The following ALPK2 variants were observed in gnomAD, a reference collection of about 807,000 sequenced individuals.
The protein encoded by ALPK2 is alpha kinase 2, also known as alpha-protein kinase 2.
ALPK2 carries 127 observed loss-of-function variants against 163.1 expected under a neutral mutation model. The observed-to-expected ratio is 0.78, with a 90% confidence interval of 0.67 to 0.90. The LOEUF (loss-of-function observed/expected upper bound fraction) is 0.90. Ranked by LOEUF, ALPK2 falls within the 40% of genes least tolerant of loss-of-function variation. The pLI is 0.00. For missense variants in ALPK2, 2,360 were observed against 2,589.6 expected (o/e 0.91, Z 1.92); for synonymous variants, 953 against 959.1 (o/e 0.99, Z 0.12).
At chr18:58,499,432 A>G (rs1398389349) in intron 11 of ALPK2, among the ~76,000 whole-genome samples, 1 of 152,152 alleles carries the variant, frequency 6.6e-6, no homozygotes, top group African/African-American at 2.4e-5. Context: ...CCCCAGTCTC[A>G]GCCTGCATCC....
At chr18:58,575,560 G>C (rs553185678) in intron 4 of ALPK2, among the ~76,000 whole-genome samples, 1 of 152,342 alleles carries the variant, frequency 6.6e-6, no homozygotes, top group East Asian at 1.9e-4. Context: ...CAGCACTTCT[G>C]ATTTAAGGGT....
chr18:58,547,333 T>C (rs2051722715), intron 4 of ALPK2, among the ~76,000 whole-genome samples: 1 of 152,192 alleles, frequency 6.6e-6, no homozygotes, highest in African/African-American at 2.4e-5. Context: ...GTAGACCGAT[T>C]GAAGATTGAG....
chr18:58,567,833 C>T (rs1042774026), intron 4 of ALPK2, among the ~76,000 whole-genome samples: 3 of 152,192 alleles, frequency 2.0e-5, no homozygotes, highest in Non-Finnish European at 4.4e-5. Context: ...GTGGTCCTCT[C>T]TCCTAAGAAG....
chr18:58,556,238 G>A (rs2051790580), intron 4 of ALPK2, among the ~76,000 whole-genome samples: 1 of 152,078 alleles, frequency 6.6e-6, no homozygotes, highest in Non-Finnish European at 1.5e-5. Context: ...TAAAAATTGT[G>A]TCTCTCCACC....
chr18:58,593,563 CAAA>C (rs34460316), intron 3 of ALPK2, among the ~76,000 whole-genome samples: 20 of 50,638 alleles, frequency 3.9e-4, no homozygotes, highest in Admixed American at 5.4e-4. Flanking sequence ...GACTCTGTCT[CAAA>C]AAAAAAAAAA....
At chr18:58,523,564 T>C (rs371088710) in intron 8 of ALPK2, among the ~76,000 whole-genome samples, 7,797 of 152,302 alleles carry the variant, frequency 0.051, 245 homozygotes, top group African/African-American at 0.09. Context: ...CTCCACATCC[T>C]CTCCAGCACC....
chr18:58,529,013 T>G, intron 6 of ALPK2, 78 bp downstream of exon 6: 1 of 1,570,296 alleles, frequency 6.4e-7, no homozygotes. Flanking sequence ...TATAATTTAT[T>G]CTTTTTTCTT....
rs10653750 is a variant in ALPK2, at chr18:58,525,967, G to GAAAAAAAAAAAAAAAAAAAAAA, written c.5502-1906_5502-1905insTTTTTTTTTTTTTTTTTTTTTT. Among the ~76,000 whole-genome samples the GAAAAAAAAAAAAAAAAAAAAAA allele has an allele frequency of 1.7e-5, 2 of 117,682 alleles. 1 individual carries two copies. The allele number at this position is 117,682 out of a possible 152,430, so 77.2% of individuals were successfully genotyped here. On this transcript the variant is annotated intron_variant, in intron 6 of 12. Coordinates refer to ENST00000361673, the MANE Select transcript of ALPK2 (RefSeq NM_052947.4). ...TACTGGGGGATTCAATGATGAAAAA[G>GAAAAAAAAAAAAAAAAAAAAAA]AAAAAAAAAAAAAAAAAAAGGCACA...
At chr18:58,512,928 GGT>G (rs2051500283) in intron 10 of ALPK2, among the ~76,000 whole-genome samples, 3 of 123,992 alleles carry the variant, frequency 2.4e-5, no homozygotes, top group South Asian at 5.5e-4. Flanking sequence ...TGATGTGTGG[GGT>G]GTGTGGGGTG....
chr18:58,484,359 A>T (rs2051327888), intron 12 of ALPK2, among the ~76,000 whole-genome samples: 1 of 152,210 alleles, frequency 6.6e-6, no homozygotes, highest in Non-Finnish European at 1.5e-5. Flanking sequence ...CATGTTGTCC[A>T]GTGAAGAAGA....
At chr18:58,597,053 C>T (rs1348845502) in intron 3 of ALPK2, among the ~76,000 whole-genome samples, 2 of 152,050 alleles carry the variant, frequency 1.3e-5, no homozygotes, top group African/African-American at 2.4e-5. Context: ...TTTGAGAGGC[C>T]GAGGCAGGTG....
chr18:58,509,235 A>G (rs989460425), intron 10 of ALPK2, among the ~76,000 whole-genome samples: 1 of 152,116 alleles, frequency 6.6e-6, no homozygotes, highest in African/African-American at 2.4e-5. Flanking sequence ...ATGGCTGCAT[A>G]GTATTCCATG....
intron 4 of ALPK2, among the ~76,000 whole-genome samples, chr18:58,557,885 G>C (rs1318918067): frequency 6.6e-6 from 1 of 151,954 alleles, no homozygotes; most frequent in Non-Finnish European, 1.5e-5. Flanking sequence ...GAGCTTCCAG[G>C]CTGCAGTGAG....
chr18:58,551,517 G>A (rs1602213917), intron 4 of ALPK2, among the ~76,000 whole-genome samples: 1 of 152,294 alleles, frequency 6.6e-6, no homozygotes, highest in Non-Finnish European at 1.5e-5. Flanking sequence ...TATATCTGCA[G>A]TTTCCATGTG....
In ALPK2 at chr18:58,481,837, C is replaced by A; in HGVS notation, c.6499G>T (p.Glu2167Ter). 1 of 1,613,968 alleles carries A rather than the reference C, an allele frequency of 6.2e-7. No homozygotes were observed. Among genetic ancestry groups the A allele is most frequent in the Non-Finnish European group, 8.5e-7 (1 of 1,179,928 alleles). ...IKKAGPETPG[E>*]KKT is the part of the protein sequence containing the mutation. ...ACCCAGGGACGTTAGGTTTTCTTTT[C>A]GCCTGGGGTCTCAGGCCCTGCCTTC... The change falls in exon 13 of 13, where the codon GAA becomes TAA. Residue 2167 changes from glutamate to a stop codon, truncating the protein, a stop_gained. Transcript: ENST00000361673. LOFTEE classifies it high-confidence loss of function.
chr18:58,579,035 T>G lies in ALPK2; in HGVS notation c.1741A>C (p.Arg581=), dbSNP rs1253764281. Residue 581 remains arginine, a synonymous_variant, in exon 4 of 13, where the codon AGA becomes CGA. Coordinates refer to ENST00000361673, the MANE Select transcript of ALPK2 (RefSeq NM_052947.4). ...AEPPLTQSDK[R]ETSHTTAAAT... Reference sequence around the variant, plus strand: ...GCTGCTGTGGTGTGAGAAGTCTCTCTTTTATCACTCTGGGTTAGTGGGGGC... The same window carrying G: ...GCTGCTGTGGTGTGAGAAGTCTCTCGTTTATCACTCTGGGTTAGTGGGGGC... 6.2e-7 allele frequency: 1 copy of G among 1,614,108 alleles called. No individual in the cohort carries two copies. Among genetic ancestry groups the G allele is most frequent in the Non-Finnish European group, 8.5e-7 (1 of 1,180,048 alleles).
Position 58,534,856 on chromosome 18 carries a change from T to C in ALPK2, c.5331A>G (p.Pro1777=), listed in dbSNP as rs763454578. The C allele has an allele frequency of 1.9e-6, 3 of 1,609,480 alleles. No homozygotes were observed. The highest frequency in any genetic ancestry group is 1.7e-6 in the Non-Finnish European group (2 of 1,178,382). ...CACCTCTTCCTTCTCTTTTGCAAGA[T>C]GGCTTTTTTGGGTCTTGTTTCTCTT... The part of the protein sequence containing the change: ...HTEEKQDPKK[P]SCKREGRAPV... The change falls in exon 5 of 13, where the codon CCA becomes CCG. Residue 1777 remains proline, a synonymous_variant. Coordinates refer to ENST00000361673, the MANE Select transcript of ALPK2 (RefSeq NM_052947.4).
chr18:58,575,447 C>T (rs1024637229), intron 4 of ALPK2, among the ~76,000 whole-genome samples: 5 of 152,132 alleles, frequency 3.3e-5, no homozygotes, highest in African/African-American at 1.2e-4. Flanking sequence ...TTACCAGAGC[C>T]CAAGAACACA....
At chr18:58,547,742 A>T (rs980332791) in intron 4 of ALPK2, among the ~76,000 whole-genome samples, 2 of 151,922 alleles carry the variant, frequency 1.3e-5, no homozygotes, top group Non-Finnish European at 2.9e-5. Flanking sequence ...GGGGTTTCAG[A>T]CCCCCTTGGG....
Sources: allele counts gnomAD v4.1 joint callset (sites outside exome capture counted in the v4.1 genomes callset), GRCh38; gene constraint gnomAD v4.1.1; transcripts MANE v1.5; gene names NCBI Gene and HGNC (gene_info 2026-07-23, HGNC 2026-07-21).